Variants in FLVCR2 observed in about 807,000 individuals in gnomAD.
The protein encoded by FLVCR2 is choline/ethanolamine transporter FLVCR2.
Under a neutral mutation model 48.9 loss-of-function variants are expected in FLVCR2, and 38 were observed. That is an observed-to-expected ratio of 0.78 (90% confidence interval 0.60 to 1.02). The LOEUF is 1.02. FLVCR2 is among the 50% of genes least tolerant of loss of function. FLVCR2 has a pLI of 0.00. For missense variants in FLVCR2, 664 were observed against 663.3 expected, an observed-to-expected ratio of 1.00 and a Z score of -0.01; for synonymous variants, 255 against 257.0, an observed-to-expected ratio of 0.99 and a Z score of 0.07.
chr14:75,591,169 A>G (rs1326548201), intron 1 of FLVCR2, among the ~76,000 whole-genome samples: 3 of 152,140 alleles, frequency 2.0e-5, no homozygotes, highest in Non-Finnish European at 4.4e-5. Flanking sequence ...TCAGCCTGCC[A>G]AGTAGCTGGA....
intron 1 of FLVCR2, among the ~76,000 whole-genome samples, chr14:75,613,925 G>T (rs1889535937): frequency 6.6e-6 from 1 of 152,184 alleles, no homozygotes; most frequent in African/African-American, 2.4e-5. Context: ...CTCCCAAGTT[G>T]TCTGTGCAGC....
chr14:75,617,365 T>C lies in FLVCR2; in HGVS notation c.670-4714T>C, dbSNP rs1349342450. ...CTGATTACTGACATTACAGTAGCATTTAGAGGTCACCTTTGAGTTTGCAGA... is the reference window on the plus strand; with the variant it reads ...CTGATTACTGACATTACAGTAGCATCTAGAGGTCACCTTTGAGTTTGCAGA... On this transcript the variant is annotated intron_variant, in intron 1 of 9. Transcript: ENST00000238667. Among the ~76,000 whole-genome samples, 3 of 152,164 alleles carry C rather than the reference T, an allele frequency of 2.0e-5. No individual in the cohort carries two copies. In the East Asian group the frequency reaches 5.8e-4, roughly 29 times the overall value.
chr14:75,600,823 C>A (rs1455234983), intron 1 of FLVCR2, among the ~76,000 whole-genome samples: 1 of 151,746 alleles, frequency 6.6e-6, no homozygotes, highest in Non-Finnish European at 1.5e-5. Flanking sequence ...AATCTTATAT[C>A]TGATAAGGAA....
At position 75,646,769 on chromosome 14, in the gene FLVCR2, G is replaced by T. The variant is rs1373149846; in HGVS notation, c.*297G>T. Reference sequence around the variant, plus strand: ...GAATATTGGAGTCAATCCTAGCTTGGTCTCTTGCCTTCCCTCTTTTCCTCC... The same window carrying T: ...GAATATTGGAGTCAATCCTAGCTTGTTCTCTTGCCTTCCCTCTTTTCCTCC... On this transcript the variant is annotated 3_prime_UTR_variant, in exon 10 of 10. Coordinates refer to ENST00000238667, the MANE Select transcript of FLVCR2 (RefSeq NM_017791.3). The T allele has an allele frequency of 4.8e-6, 2 of 419,330 alleles. No individual in the cohort carries two copies. The highest frequency in any genetic ancestry group is 2.0e-5 in the African/African-American group (1 of 49,260). 26.0% of individuals were successfully genotyped at this position (419,330 alleles called of 1,614,324 possible).
chr14:75,638,727 A>C (rs1377508215), intron 5 of FLVCR2, among the ~76,000 whole-genome samples: 2 of 152,220 alleles, frequency 1.3e-5, no homozygotes, highest in Non-Finnish European at 2.9e-5. Context: ...ATGACAAGTC[A>C]AGGGGCAGAT....
chr14:75,634,897 A>G lies in FLVCR2; in HGVS notation c.1021-13A>G. On this transcript the variant is annotated splice_polypyrimidine_tract_variant and intron_variant, in intron 4 of 9. Coordinates refer to ENST00000238667, the MANE Select transcript of FLVCR2 (RefSeq NM_017791.3). ...CCATCGCCGGGTGATCTTTGGGGTT[A>G]TGGTTTCCCCAGGGGGAAGAAGTGA... 2 of 1,592,322 alleles carry G rather than the reference A, an allele frequency of 1.3e-6. No individual in the cohort carries two copies. Among genetic ancestry groups the G allele is most frequent in the Non-Finnish European group, 1.7e-6 (2 of 1,160,672 alleles).
Position 75,647,931 on chromosome 14 carries a change from A to G in FLVCR2, c.*1459A>G, listed in dbSNP as rs2140060141. The stretch of plus-strand genomic sequence containing the variant: ...CAGATTCAAGCAATGGATGCAAGGA[A>G]CATGCTGTATGTAATAGAAGAAAGA... On this transcript the variant is annotated 3_prime_UTR_variant, in exon 10 of 10. Coordinates refer to ENST00000238667, the MANE Select transcript of FLVCR2 (RefSeq NM_017791.3). 6.5e-6 allele frequency: 1 copy of G among 152,972 alleles called. No individual in the cohort carries two copies. The highest frequency in any genetic ancestry group is 2.1e-4 in the South Asian group (1 of 4,830). The allele number at this position is 152,972 out of a possible 1,614,324, so 9.5% of individuals were successfully genotyped here.
intron 1 of FLVCR2, among the ~76,000 whole-genome samples, chr14:75,590,925 C>T (rs145994842): frequency 3.3e-5 from 5 of 152,358 alleles, no homozygotes; most frequent in Non-Finnish European, 7.3e-5. Context: ...TCAGCATCAA[C>T]TCAAATGTCC....
At position 75,639,468 on chromosome 14, in the gene FLVCR2, T is replaced by A; in HGVS notation, c.1235+6T>A. 6.3e-7 allele frequency: 1 copy of A among 1,580,450 alleles called. No homozygotes were observed. The stretch of plus-strand genomic sequence containing the variant: ...ATCACTGCTGGCACAATGGGGTAAG[T>A]TTCACCTCTGGCTGATTTATTAGAA... On this transcript the variant is annotated splice_donor_region_variant and intron_variant, in intron 6 of 9. Transcript: ENST00000238667.
At chr14:75,587,323 T>TA (rs961248930) in intron 1 of FLVCR2, among the ~76,000 whole-genome samples, 81 of 148,494 alleles carry the variant, frequency 5.5e-4, no homozygotes, top group Admixed American at 8.7e-4. Flanking sequence ...AGCATACATG[T>TA]AAAAAAAAAA....
chr14:75,641,523 C>T (rs1200191555), intron 8 of FLVCR2, among the ~76,000 whole-genome samples: 2 of 152,106 alleles, frequency 1.3e-5, no homozygotes, highest in African/African-American at 4.8e-5. Context: ...AGCTATTGAC[C>T]TTGGATAAGT....
chr14:75,578,644 T>G lies in FLVCR2; in HGVS notation c.-329T>G, dbSNP rs1888511250. On this transcript the variant is annotated 5_prime_UTR_variant, in exon 1 of 10. Coordinates refer to ENST00000238667, the MANE Select transcript of FLVCR2 (RefSeq NM_017791.3). ...GAGAGGACTCTGCGGGCGAAGTGGC[T>G]GCGCAAGGAGAGAACTTTTCCTGCA... is the stretch of plus-strand genomic sequence containing the variant. 4 of 417,098 alleles carry G rather than the reference T, an allele frequency of 9.6e-6. No homozygotes were observed. Among genetic ancestry groups the G allele is most frequent in the Non-Finnish European group, 1.8e-5 (4 of 225,150 alleles). 25.8% of individuals were successfully genotyped at this position (417,098 alleles called of 1,614,324 possible).
At chr14:75,621,424 A>AG (rs1162629720) in intron 1 of FLVCR2, among the ~76,000 whole-genome samples, 1 of 151,196 alleles carries the variant, frequency 6.6e-6, no homozygotes, top group Non-Finnish European at 1.5e-5. Context: ...AAAAAGAAAA[A>AG]GAAAAAAAAA....
chr14:75,591,240 G>A (rs1353843802), intron 1 of FLVCR2, among the ~76,000 whole-genome samples: 1 of 152,032 alleles, frequency 6.6e-6, no homozygotes, highest in Non-Finnish European at 1.5e-5. Flanking sequence ...ACGGAGTTTC[G>A]CCATGTTGCC....
intron 1 of FLVCR2, among the ~76,000 whole-genome samples, chr14:75,602,873 T>C (rs1889199534): frequency 1.3e-5 from 2 of 152,212 alleles, no homozygotes; most frequent in Non-Finnish European, 1.5e-5. Flanking sequence ...CAAAAGATAC[T>C]CTGCTTTTGA....
chr14:75,616,168 A>T (rs1889612338), intron 1 of FLVCR2, among the ~76,000 whole-genome samples: 1 of 151,834 alleles, frequency 6.6e-6, no homozygotes, highest in Non-Finnish European at 1.5e-5. Flanking sequence ...TTCCACAAAA[A>T]ATTAAAAAAT....
chr14:75,643,371 CTT>C (rs1028410023), intron 9 of FLVCR2, among the ~76,000 whole-genome samples: 1 of 152,180 alleles, frequency 6.6e-6, no homozygotes, highest in Non-Finnish European at 1.5e-5. Context: ...ATTTCAAAGA[CTT>C]TGGTATGTGT....
At chr14:75,609,921 T>C (rs1889396031) in intron 1 of FLVCR2, among the ~76,000 whole-genome samples, 1 of 151,938 alleles carries the variant, frequency 6.6e-6, no homozygotes, top group East Asian at 1.9e-4. Flanking sequence ...GGGGTTAGTG[T>C]TAAGGGAATG....
intron 1 of FLVCR2, among the ~76,000 whole-genome samples, chr14:75,604,946 TG>T (rs1020544535): frequency 6.6e-6 from 1 of 152,160 alleles, no homozygotes; most frequent in Non-Finnish European, 1.5e-5. Flanking sequence ...TTGGAGACTC[TG>T]GGGTGACACA....
Sources: gnomAD v4.1 joint callset for allele counts (sites outside exome capture counted in the v4.1 genomes callset) on GRCh38, gnomAD v4.1.1 for gene constraint, MANE v1.5 for transcripts, NCBI Gene and HGNC (gene_info 2026-07-23, HGNC 2026-07-21) for gene names.